MYZAP: variants seen among roughly 807,000 people sequenced by gnomAD.
MYZAP encodes GRINL1A complex locus upstream.
A neutral mutation model predicts 69.4 loss-of-function variants in MYZAP; 66 were observed. The ratio of observed to expected loss-of-function variants is 0.95; its 90% CI spans 0.78 to 1.17. The LOEUF is 1.17. Among genes scored for constraint, MYZAP ranks in the 50% most tolerant of loss-of-function variants. The pLI is 0.00. For missense variants in MYZAP, 611 were observed against 556.2 expected (o/e 1.10, Z -0.99); for synonymous variants, 256 against 205.9 (o/e 1.24, Z -2.09).
rs536774195 is a variant in MYZAP at position 57,606,524 on chromosome 15, AAGAT to A, written c.162+2173_162+2176del. ...GATGGTGGCAAAAAAAATTATATAA[AAGAT>A]AGAGCACATGGACGCAGGAAGGGGA... On this transcript the variant is annotated intron_variant, in intron 2 of 12. Coordinates refer to ENST00000267853, the MANE Select transcript of MYZAP (RefSeq NM_001018100.5). Among the ~76,000 whole-genome samples the A allele has an allele frequency of 5.3e-3, 785 of 147,168 alleles. 3 individuals are homozygous for A. Among genetic ancestry groups the A allele is most frequent in the Non-Finnish European group, 8.5e-3 (564 of 66,602 alleles).
chr15:57,617,220 CAGA>C (rs2062681692), intron 2 of MYZAP, among the ~76,000 whole-genome samples: 1 of 152,066 alleles, frequency 6.6e-6, no homozygotes, highest in South Asian at 2.1e-4. Flanking sequence ...GTGGAAAGGA[CAGA>C]AAGGACAATT....
intron 10 of MYZAP, chr15:57,648,415 G>C (rs2037558158): frequency 6.1e-6 from 6 of 985,246 alleles, no homozygotes; most frequent in Non-Finnish European, 7.2e-6. Flanking sequence ...ACTATGTGAG[G>C]CTGAGTAATT....
intron 5 of MYZAP, among the ~76,000 whole-genome samples, chr15:57,629,101 A>G (rs1185733333): frequency 6.6e-6 from 1 of 151,558 alleles, no homozygotes; most frequent in Non-Finnish European, 1.5e-5. Flanking sequence ...AAAAAAAAAA[A>G]AAAAAAGAAA....
chr15:57,648,964 G>A (rs1009405458), intron 10 of MYZAP, among the ~76,000 whole-genome samples: 6 of 151,326 alleles, frequency 4.0e-5, no homozygotes, highest in Non-Finnish European at 7.4e-5. Context: ...AAATTAGTAT[G>A]TGGCTTAGTT....
At chr15:57,622,524 C>G (rs561796004) in intron 4 of MYZAP, among the ~76,000 whole-genome samples, 1 of 152,164 alleles carries the variant, frequency 6.6e-6, no homozygotes, top group East Asian at 1.9e-4. Flanking sequence ...GAAAAAGCCT[C>G]AGAGATTGAA....
intron 11 of MYZAP, among the ~76,000 whole-genome samples, chr15:57,673,312 T>G (rs1044590175): frequency 5.9e-5 from 9 of 152,200 alleles, no homozygotes; most frequent in African/African-American, 1.9e-4. Flanking sequence ...TAAGAAGGGA[T>G]AAGGCGATGG....
At chr15:57,617,963 C>T (rs1030357271) in intron 2 of MYZAP, 70 bp from the exon 3 acceptor site, 2 of 1,533,764 alleles carry the variant, frequency 1.3e-6, no homozygotes, top group African/African-American at 2.8e-5. Context: ...ACACAGTGGG[C>T]CCGTTATTAC....
At chr15:57,602,011 G>A (rs1439541426) in intron 1 of MYZAP, among the ~76,000 whole-genome samples, 2 of 152,128 alleles carry the variant, frequency 1.3e-5, no homozygotes, top group African/African-American at 4.8e-5. Context: ...AAATGAACAG[G>A]TTGGTGCCAC....
intron 2 of MYZAP, among the ~76,000 whole-genome samples, chr15:57,606,468 A>G (rs1382906529): frequency 1.3e-5 from 2 of 152,124 alleles, no homozygotes; most frequent in Non-Finnish European, 2.9e-5. Flanking sequence ...AAAGAGACAT[A>G]ACATTAAATG....
At chr15:57,661,684 C>T in intron 11 of MYZAP, 151 bp downstream of exon 11, 1 of 679,024 alleles carries the variant, frequency 1.5e-6, no homozygotes, top group Non-Finnish European at 2.4e-6. Flanking sequence ...AAATGAGGTT[C>T]TGACAGCTGT....
intron 12 of MYZAP, among the ~76,000 whole-genome samples, chr15:57,678,570 A>G (rs2039260107): frequency 6.6e-6 from 1 of 152,180 alleles, no homozygotes; most frequent in Non-Finnish European, 1.5e-5. Flanking sequence ...CATTGATTTT[A>G]TGAAATGGAT....
intron 10 of MYZAP, among the ~76,000 whole-genome samples, chr15:57,651,459 A>C (rs965610568): frequency 6.6e-6 from 1 of 152,194 alleles, no homozygotes; most frequent in Non-Finnish European, 1.5e-5. Flanking sequence ...GTGACAGAAG[A>C]TATCACATGT....
chr15:57,674,820 A>G, intron 11 of MYZAP, 148 bp from the exon 12 acceptor site: 1 of 644,790 alleles, frequency 1.6e-6, no homozygotes, highest in Non-Finnish European at 2.6e-6. Context: ...TTCTTCAACA[A>G]CTATTGTGTA....
At chr15:57,641,157 G>A (rs961733524) in intron 10 of MYZAP, among the ~76,000 whole-genome samples, 11 of 152,076 alleles carry the variant, frequency 7.2e-5, no homozygotes, top group Non-Finnish European at 1.6e-4. Flanking sequence ...GTATCTAATC[G>A]TTAGAGAACT....
chr15:57,619,149 G>T (rs149189050), intron 3 of MYZAP, among the ~76,000 whole-genome samples: 2,250 of 152,246 alleles, frequency 0.015, 30 homozygotes, highest in South Asian at 0.045. Flanking sequence ...TGGGTTTTCA[G>T]ATAAGATGCA....
At chr15:57,614,767 G>C (rs1348606194) in intron 2 of MYZAP, among the ~76,000 whole-genome samples, 1 of 152,166 alleles carries the variant, frequency 6.6e-6, no homozygotes, top group Non-Finnish European at 1.5e-5. Flanking sequence ...CCTGACTGTA[G>C]CATTGTAGTG....
At chr15:57,644,769 C>T (rs1275357631) in intron 10 of MYZAP, among the ~76,000 whole-genome samples, 1 of 152,226 alleles carries the variant, frequency 6.6e-6, no homozygotes, top group African/African-American at 2.4e-5. Flanking sequence ...CCTGGCCTGA[C>T]AGCCTAATCT....
At chr15:57,663,475 G>T (rs369404408) in intron 11 of MYZAP, among the ~76,000 whole-genome samples, 1 of 152,198 alleles carries the variant, frequency 6.6e-6, no homozygotes, top group African/African-American at 2.4e-5. Context: ...AGCCAATAGC[G>T]GTGCCATATC....
intron 1 of MYZAP, chr15:57,599,685 C>G: frequency 1.6e-6 from 2 of 1,289,140 alleles, no homozygotes; most frequent in South Asian, 2.5e-5. Context: ...TGGAGATCAG[C>G]CTCGTAAAAT....
Sources: allele counts gnomAD v4.1 joint callset (sites outside exome capture counted in the v4.1 genomes callset), GRCh38; gene constraint gnomAD v4.1.1; transcripts MANE v1.5; gene names NCBI Gene and HGNC (gene_info 2026-07-23, HGNC 2026-07-21).